The following TMCO4 variants were observed in gnomAD, a reference collection of about 807,000 sequenced individuals.
The protein encoded by TMCO4 is transmembrane and coiled-coil domains 4.
A neutral mutation model predicts 64.7 loss-of-function variants in TMCO4; 58 were observed. The observed-to-expected ratio is 0.90, with a 90% confidence interval of 0.73 to 1.12. The LOEUF (loss-of-function observed/expected upper bound fraction) is 1.12, where lower values mean the gene tolerates loss of function less well. Among genes scored for constraint, TMCO4 ranks in the 50% most tolerant of loss-of-function variants. The pLI is 0.00. For missense variants in TMCO4, 780 were observed against 825.9 expected (o/e 0.94, Z 0.68); for synonymous variants, 325 against 346.1 (o/e 0.94, Z 0.68).
At chr1:19,700,473 G>C (rs1570669469) in intron 14 of TMCO4, among the ~76,000 whole-genome samples, 1 of 152,096 alleles carries the variant, frequency 6.6e-6, no homozygotes, top group East Asian at 1.9e-4. Context: ...CCTTCCCCCA[G>C]CTCCAACCAG....
At chr1:19,777,075 T>A (rs2043242600) in intron 4 of TMCO4, among the ~76,000 whole-genome samples, 1 of 151,016 alleles carries the variant, frequency 6.6e-6, no homozygotes. Context: ...AAAGCCTCTA[T>A]TTGTTCCCAG....
chr1:19,755,724 G>A lies in TMCO4; in HGVS notation c.425C>T (p.Thr142Ile). 6.2e-7 allele frequency: 1 copy of A among 1,614,084 alleles called. No individual in the cohort carries two copies. The highest frequency in any genetic ancestry group is 8.5e-7 in the Non-Finnish European group (1 of 1,180,016). The change falls in exon 7 of 16, where the codon ACC becomes ATC. Residue 142 changes from threonine to isoleucine, a missense_variant. By Grantham distance (89) the Thr-to-Ile change is moderately conservative. Coordinates refer to ENST00000294543, the MANE Select transcript of TMCO4 (RefSeq NM_181719.7). ...CTCCAAGGGCACTTGGAGCAGGGAG[G>A]TCATGTGGCAAACGAGGACTCTGGC... is the stretch of plus-strand genomic sequence containing the variant. The part of the protein sequence containing the change: ...ARARVLVCHM[T>I]SLLQVPLEEL...
intron 3 of TMCO4, among the ~76,000 whole-genome samples, chr1:19,783,187 C>T (rs1364136157): frequency 6.6e-6 from 1 of 152,120 alleles, no homozygotes; most frequent in African/African-American, 2.4e-5. Flanking sequence ...TTTTAACATG[C>T]ATTGTCTCAG....
At chr1:19,738,988 C>T (rs1440810554) in intron 12 of TMCO4, among the ~76,000 whole-genome samples, 2 of 152,304 alleles carry the variant, frequency 1.3e-5, no homozygotes, top group East Asian at 3.9e-4. Flanking sequence ...ATCTTTGATA[C>T]AAGGTCAAGA....
intron 2 of TMCO4, among the ~76,000 whole-genome samples, chr1:19,797,233 C>G (rs12145903): frequency 0.027 from 4,143 of 152,252 alleles, 89 homozygotes; most frequent in African/African-American, 0.062. Flanking sequence ...GGGTGGTGTA[C>G]AGGGTACAGG....
intron 10 of TMCO4, among the ~76,000 whole-genome samples, chr1:19,745,198 A>AGATG (rs2041711981): frequency 6.8e-6 from 1 of 147,050 alleles, no homozygotes; most frequent in South Asian, 2.2e-4. Context: ...GTAGAAGAGT[A>AGATG]GATGGATGGA....
At chr1:19,773,785 T>C (rs1230568857) in intron 4 of TMCO4, among the ~76,000 whole-genome samples, 1 of 152,164 alleles carries the variant, frequency 6.6e-6, no homozygotes, top group African/African-American at 2.4e-5. Context: ...TGGCATGTAG[T>C]AGAGGCTCAA....
chr1:19,722,222 CA>C (rs1424144435), intron 13 of TMCO4, among the ~76,000 whole-genome samples: 1 of 152,180 alleles, frequency 6.6e-6, no homozygotes, highest in African/African-American at 2.4e-5. Context: ...TAGGAGTCCA[CA>C]ATCACATGCT....
chr1:19,694,580 A>G (rs995977099), intron 14 of TMCO4, 29 bp from the exon 15 acceptor site: 2 of 1,604,848 alleles, frequency 1.2e-6, no homozygotes, highest in South Asian at 1.1e-5. Flanking sequence ...GCATGTGAAC[A>G]TTAGCACCAG....
intron 6 of TMCO4, among the ~76,000 whole-genome samples, chr1:19,769,480 T>C (rs61768324): frequency 0.12 from 18,380 of 152,186 alleles, 1,220 homozygotes; most frequent in South Asian, 0.13. Context: ...ACTATGAAAT[T>C]CTGCTCTTCC....
Position 19,755,678 on chromosome 1 carries a change from C to T in TMCO4, c.471G>A (p.Glu157=). The change falls in exon 7 of 16, where the codon GAG becomes GAA. Residue 157 remains glutamate (E), a synonymous_variant. Coordinates refer to ENST00000294543, the MANE Select transcript of TMCO4 (RefSeq NM_181719.7). The stretch of plus-strand genomic sequence containing the variant: ...TTTCCTTCAGGCTCTCCAGGAACAT[C>T]TCTTCAAGGACATCCAGCTCCTCCA... ...VPLEELDVLE[E]MFLESLKEIK... 1 of 1,614,142 alleles carries T rather than the reference C, an allele frequency of 6.2e-7. No homozygotes were observed. The highest frequency in any genetic ancestry group is 8.5e-7 in the Non-Finnish European group (1 of 1,180,028).
At chr1:19,735,238 G>A (rs1339580023) in intron 13 of TMCO4, among the ~76,000 whole-genome samples, 5 of 152,110 alleles carry the variant, frequency 3.3e-5, no homozygotes, top group Admixed American at 6.5e-5. Context: ...ACCCAAACTG[G>A]GGCCAGGAAT....
At chr1:19,710,487 A>C in intron 13 of TMCO4, among the ~76,000 whole-genome samples, 1 of 152,158 alleles carries the variant, frequency 6.6e-6, no homozygotes, top group East Asian at 1.9e-4. Context: ...CTCAGGACTA[A>C]GTGCTTCATA....
chr1:19,729,594 C>T (rs183317539), intron 13 of TMCO4, among the ~76,000 whole-genome samples: 5 of 151,606 alleles, frequency 3.3e-5, no homozygotes, highest in East Asian at 2.0e-4. Context: ...GGTGAAACCC[C>T]GTCTCTACCA....
At chr1:19,798,933 T>G (rs2044467267) in intron 1 of TMCO4, among the ~76,000 whole-genome samples, 1 of 152,174 alleles carries the variant, frequency 6.6e-6, no homozygotes, top group Non-Finnish European at 1.5e-5. Context: ...GAACACTGAG[T>G]TAGGAAAAAG....
intron 4 of TMCO4, among the ~76,000 whole-genome samples, chr1:19,776,061 C>T (rs2043190191): frequency 6.6e-6 from 1 of 152,192 alleles, no homozygotes; most frequent in African/African-American, 2.4e-5. Flanking sequence ...GCATATACCA[C>T]CACATCCGGC....
At position 19,683,758 on chromosome 1, in the gene TMCO4, C is replaced by CTTTTT. The variant is rs531431284; in HGVS notation, c.1501-319_1501-315dup. On this transcript the variant is annotated intron_variant, in intron 15 of 15. Coordinates refer to ENST00000294543, the MANE Select transcript of TMCO4 (RefSeq NM_181719.7). Reference sequence around the variant, plus strand: ...AGAAGCTCTCGTTCTTTGTCTGAAGCTTTTTTTTTTTTTTTTTTTTTTTTT... The same window carrying CTTTTT: ...AGAAGCTCTCGTTCTTTGTCTGAAGCTTTTTTTTTTTTTTTTTTTTTTTTTTTTTT... Among the ~76,000 whole-genome samples, 186 of 79,062 alleles carry CTTTTT rather than the reference C, an allele frequency of 2.4e-3. 18 individuals carry two copies. The highest frequency in any genetic ancestry group is 6.9e-3 in the African/African-American group (134 of 19,544). The allele number at this position is 79,062 out of a possible 152,430, so 51.9% of individuals were successfully genotyped here.
chr1:19,696,005 C>A (rs1300345167), intron 14 of TMCO4, among the ~76,000 whole-genome samples: 3 of 152,134 alleles, frequency 2.0e-5, no homozygotes, highest in Non-Finnish European at 2.9e-5. Flanking sequence ...GCAGGCAATC[C>A]TCCCTCCCCG....
chr1:19,706,723 A>C (rs1228920822), intron 13 of TMCO4, among the ~76,000 whole-genome samples: 2 of 152,136 alleles, frequency 1.3e-5, no homozygotes, highest in Non-Finnish European at 2.9e-5. Flanking sequence ...TCATGTCTTT[A>C]CCCCTCAGCT....
Sources: allele counts gnomAD v4.1 joint callset (sites outside exome capture counted in the v4.1 genomes callset), GRCh38; gene constraint gnomAD v4.1.1; transcripts MANE v1.5; gene names NCBI Gene and HGNC (gene_info 2026-07-23, HGNC 2026-07-21).